Variants in LRRC4C observed in about 807,000 individuals in gnomAD.
The protein encoded by LRRC4C is leucine-rich repeat-containing protein 4C.
In LRRC4C, 5 loss-of-function variants were observed where a neutral mutation model predicts 33.6. That is an observed-to-expected ratio of 0.15 (90% CI 0.08 to 0.31). The LOEUF is 0.31. Ranked by LOEUF, LRRC4C falls within the 10% of genes least tolerant of loss-of-function variation. The pLI is 1.00. For synonymous variants in LRRC4C, 329 were observed against 302.0 expected, an observed-to-expected ratio of 1.09 and a Z score of -0.93; for missense variants, 560 against 796.7, an observed-to-expected ratio of 0.70 and a Z score of 3.58.
In LRRC4C at chr11:40,811,092, T is replaced by C. The variant is rs532107156; in HGVS notation, c.-407+122543A>G. ...CCTTGAGCATGGCACTTTGATTCTC[T>C]CCTATGGATGTTTAATTGTGTTCTT... On this transcript the variant is annotated intron_variant, in intron 2 of 6. Coordinates refer to ENST00000528697, the MANE Select transcript of LRRC4C (RefSeq NM_001258419.2). Among the ~76,000 whole-genome samples, 3 of 152,294 alleles carry C rather than the reference T, an allele frequency of 2.0e-5. No individual in the cohort carries two copies. The East Asian group carries it at 5.8e-4, about 29-fold the overall frequency.
At chr11:40,965,376 G>C (rs191290581) in intron 1 of LRRC4C, among the ~76,000 whole-genome samples, 3,317 of 152,130 alleles carry the variant, frequency 0.022, 139 homozygotes, top group African/African-American at 0.076. Context: ...AGTTTAATGA[G>C]GTCCCATTTG....
chr11:41,381,097 T>G (rs887054148), intron 1 of LRRC4C, among the ~76,000 whole-genome samples: 3 of 152,082 alleles, frequency 2.0e-5, no homozygotes, highest in South Asian at 2.1e-4. Flanking sequence ...CCTGGGCATA[T>G]AGAGAAGCGA....
intron 2 of LRRC4C, among the ~76,000 whole-genome samples, chr11:40,771,241 G>A (rs563158785): frequency 3.9e-5 from 6 of 152,270 alleles, no homozygotes; most frequent in South Asian, 2.1e-4. Context: ...CAAACACCAC[G>A]TGGAAGCTAC....
chr11:41,231,575 T>A (rs372688615), intron 1 of LRRC4C, among the ~76,000 whole-genome samples: 5 of 126,004 alleles, frequency 4.0e-5, no homozygotes, highest in African/African-American at 1.2e-4. Context: ...ATGAGAACAC[T>A]TGGACACAGA....
At chr11:40,140,662 T>G (rs1399664497) in intron 6 of LRRC4C, 139 bp downstream of exon 6, 1 of 152,504 alleles carries the variant, frequency 6.6e-6, no homozygotes, top group Non-Finnish European at 1.5e-5. Context: ...GTAGCTGGAC[T>G]TCCCACAAAT....
At chr11:40,500,281 TATATATATATATACACACACAC>T (rs1954682742) in intron 3 of LRRC4C, among the ~76,000 whole-genome samples, 1 of 64,064 alleles carries the variant, frequency 1.6e-5, no homozygotes, top group Non-Finnish European at 3.0e-5. Flanking sequence ...GATATATATA[TATATATATATATACACACACAC>T]ACACACACAC....
chr11:40,626,732 C>T (rs11035972), intron 3 of LRRC4C, among the ~76,000 whole-genome samples: 23,391 of 152,102 alleles, frequency 0.15, 1,995 homozygotes, highest in East Asian at 0.24. Flanking sequence ...CATCAATTCT[C>T]TTAGTTTCTA....
At chr11:41,134,952 T>C (rs1203003184) in intron 1 of LRRC4C, among the ~76,000 whole-genome samples, 1 of 152,108 alleles carries the variant, frequency 6.6e-6, no homozygotes, top group Non-Finnish European at 1.5e-5. Context: ...CTATCATTAT[T>C]TGAAAGCTGA....
intron 1 of LRRC4C, among the ~76,000 whole-genome samples, chr11:40,997,631 T>C (rs355249): frequency 0.19 from 28,786 of 151,964 alleles, 3,175 homozygotes; most frequent in African/African-American, 0.31. Flanking sequence ...AAAGGAGTAT[T>C]TTGTTTGTTT....
chr11:40,394,810 T>C (rs1949474846), intron 3 of LRRC4C, among the ~76,000 whole-genome samples: 1 of 152,170 alleles, frequency 6.6e-6, no homozygotes, highest in Non-Finnish European at 1.5e-5. Context: ...GGTTTTATTA[T>C]TAACCTAAAT....
In LRRC4C at chr11:40,885,052, GT is replaced by G. The variant is rs547908386; in HGVS notation, c.-407+48582del. 6.6e-5 allele frequency among the ~76,000 whole-genome samples: 10 copies of G among 152,010 alleles called. No homozygotes were observed. The East Asian group carries it at 1.9e-3, about 29-fold the overall frequency. ...AACAATGTACACTATTTGGGTTCTG[GT>G]TACACTAAAAGCCCAAACTTCATCA... On this transcript the variant is annotated intron_variant, in intron 2 of 6. Coordinates refer to ENST00000528697, the MANE Select transcript of LRRC4C (RefSeq NM_001258419.2).
chr11:40,869,974 C>G (rs1286601251), intron 2 of LRRC4C, among the ~76,000 whole-genome samples: 1 of 152,118 alleles, frequency 6.6e-6, no homozygotes, highest in Non-Finnish European at 1.5e-5. Context: ...GAGGTAGCTG[C>G]AGACCTATAC....
chr11:40,457,121 A>G lies in LRRC4C; in HGVS notation c.-269-137400T>C, dbSNP rs1952171505. On this transcript the variant is annotated intron_variant, in intron 3 of 6. Transcript: ENST00000528697. ...TAAAAAAGAAAAAAAAAAAAGAAAA[A>G]AAAAACAGTTACTTGAGGATATACC... 1.3e-5 allele frequency among the ~76,000 whole-genome samples: 2 copies of G among 151,552 alleles called. 1 individual carries two copies. Among genetic ancestry groups the G allele is most frequent in the African/African-American group, 4.8e-5 (2 of 41,284 alleles).
intron 2 of LRRC4C, among the ~76,000 whole-genome samples, chr11:40,725,492 G>T (rs1040729998): frequency 1.3e-5 from 2 of 151,060 alleles, no homozygotes; most frequent in African/African-American, 2.4e-5. Context: ...CTCCAGCCTG[G>T]ACAAAAGAGC....
chr11:40,404,176 A>G (rs1724861007), intron 3 of LRRC4C, among the ~76,000 whole-genome samples: 1 of 152,098 alleles, frequency 6.6e-6, no homozygotes, highest in Non-Finnish European at 1.5e-5. Context: ...GGCTGATGGA[A>G]GAACTTTGGC....
chr11:41,185,438 GTGTT>G (rs1490515504), intron 1 of LRRC4C, among the ~76,000 whole-genome samples: 3 of 152,180 alleles, frequency 2.0e-5, no homozygotes, highest in Non-Finnish European at 2.9e-5. Context: ...GATTTCTTAA[GTGTT>G]TGTAATCTGT....
intron 2 of LRRC4C, among the ~76,000 whole-genome samples, chr11:40,699,014 G>A (rs1180491316): frequency 6.6e-6 from 1 of 151,990 alleles, no homozygotes; most frequent in Non-Finnish European, 1.5e-5. Context: ...AACACAAAAG[G>A]CAGGTTTTCA....
intron 2 of LRRC4C, among the ~76,000 whole-genome samples, chr11:40,898,571 A>AGGAAGAAAAAGT (rs1281707584): frequency 1.3e-5 from 2 of 151,932 alleles, no homozygotes; most frequent in African/African-American, 4.8e-5. Flanking sequence ...AAAGAAAAGA[A>AGGAAGAAAAAGT]GGAAGAAAAA....
chr11:40,937,592 AGTGTGTGTATAT>A (rs1279202859), intron 1 of LRRC4C, among the ~76,000 whole-genome samples: 100 of 120,200 alleles, frequency 8.3e-4, no homozygotes, highest in African/African-American at 3.4e-3. Flanking sequence ...ACTCTTCTTG[AGTGTGTGTATAT>A]GTGTGTGTGT....
Sources: allele counts gnomAD v4.1 joint callset (sites outside exome capture counted in the v4.1 genomes callset), GRCh38; gene constraint gnomAD v4.1.1; transcripts MANE v1.5; gene names NCBI Gene and HGNC (gene_info 2026-07-23, HGNC 2026-07-21).